Variants in POLR1D observed in about 807,000 individuals in gnomAD.
POLR1D encodes RNA polymerase I and III subunit D.
POLR1D carries 8 observed loss-of-function variants against 10.8 expected under a neutral mutation model. That is an observed-to-expected ratio of 0.74 (90% CI 0.43 to 1.33). The LOEUF is 1.33. POLR1D is among the 40% of genes most tolerant of loss of function. POLR1D has a pLI of 0.01. For missense variants in POLR1D, 152 were observed against 161.7 expected (o/e 0.94, Z 0.32); for synonymous variants, 54 against 57.2 (o/e 0.94, Z 0.25).
In POLR1D at chr13:27,640,484, G is replaced by A. The variant is rs141159556; in HGVS notation, c.27-7895G>A. On this transcript the variant is annotated intron_variant, in intron 1 of 2. Coordinates refer to the POLR1D transcript ENST00000399697. ...CCTTCATCTTGGCATGAATGCAATAGATCCTTCACTAAGAAAATATTGTTT... is the reference window on the plus strand; with the variant it reads ...CCTTCATCTTGGCATGAATGCAATAAATCCTTCACTAAGAAAATATTGTTT... Among the ~76,000 whole-genome samples the A allele has an allele frequency of 2.4e-3, 364 of 152,222 alleles. 1 individual carries two copies. The highest frequency in any genetic ancestry group is 8.4e-3 in the African/African-American group (348 of 41,522).
intron 1 of POLR1D, among the ~76,000 whole-genome samples, chr13:27,637,275 G>A (rs970345574): frequency 6.6e-6 from 1 of 152,172 alleles, no homozygotes; most frequent in African/African-American, 2.4e-5. Flanking sequence ...TAGTCTCCAT[G>A]AGCTGCTTCC....
chr13:27,639,290 T>C (rs1295042753), intron 1 of POLR1D, among the ~76,000 whole-genome samples: 1 of 152,132 alleles, frequency 6.6e-6, no homozygotes, highest in Non-Finnish European at 1.5e-5. Flanking sequence ...TGTGGATTTT[T>C]CCCCTAACTA....
chr13:27,635,138 A>C (rs952771727), intron 1 of POLR1D, among the ~76,000 whole-genome samples: 7 of 152,194 alleles, frequency 4.6e-5, no homozygotes, highest in African/African-American at 1.7e-4. Context: ...GTAAATCTTA[A>C]ACATGAAAAG....
chr13:27,654,002 G>A (rs1956288374), intron 2 of POLR1D, among the ~76,000 whole-genome samples: 2 of 152,204 alleles, frequency 1.3e-5, no homozygotes, highest in South Asian at 2.1e-4. Context: ...GATAAATGAT[G>A]TCTATCTGGA....
At chr13:27,653,483 G>A (rs1331550559) in intron 2 of POLR1D, among the ~76,000 whole-genome samples, 1 of 152,140 alleles carries the variant, frequency 6.6e-6, no homozygotes, top group African/African-American at 2.4e-5. Context: ...TGGGAGACTA[G>A]GATGTGAAAT....
chr13:27,622,129 A>C (rs1955942627), intron 1 of POLR1D, 120 bp downstream of exon 1: 10 of 823,294 alleles, frequency 1.2e-5, no homozygotes, highest in Non-Finnish European at 2.1e-5. Flanking sequence ...AGAAGCATGG[A>C]GAGAGAAGTG....
chr13:27,623,274 A>T lies in POLR1D; in HGVS notation c.*24A>T. The stretch of plus-strand genomic sequence containing the variant: ...AGTCCTTTATGCAGTATACAAGGAG[A>T]ACTGTCCTGTAGGATATTCTCTTCC... On this transcript the variant is annotated 3_prime_UTR_variant, in exon 2 of 2. Transcript: ENST00000302979. 6.2e-7 allele frequency: 1 copy of T among 1,612,892 alleles called. No homozygotes were observed. Among genetic ancestry groups the T allele is most frequent in the Non-Finnish European group, 8.5e-7 (1 of 1,179,884 alleles).
intron 1 of POLR1D, among the ~76,000 whole-genome samples, chr13:27,632,109 A>G (rs965267618): frequency 2.0e-5 from 3 of 152,174 alleles, no homozygotes; most frequent in South Asian, 2.1e-4. Flanking sequence ...TAACACTACT[A>G]TCTTCACCAC....
chr13:27,647,851 A>G (rs1262483168), intron 1 of POLR1D, among the ~76,000 whole-genome samples: 1 of 152,200 alleles, frequency 6.6e-6, no homozygotes, highest in Admixed American at 6.5e-5. Context: ...TTTTAGATCA[A>G]CTGGTATATA....
intron 1 of POLR1D, among the ~76,000 whole-genome samples, chr13:27,644,841 T>C (rs1387560495): frequency 6.6e-6 from 1 of 152,200 alleles, no homozygotes. Flanking sequence ...CTATCTTGTT[T>C]CATGCATGTT....
chr13:27,654,225 T>C (rs1463031225), intron 2 of POLR1D, among the ~76,000 whole-genome samples: 3 of 152,230 alleles, frequency 2.0e-5, no homozygotes, highest in African/African-American at 7.2e-5. Flanking sequence ...TAATGTGTAC[T>C]TTTCCTATCC....
chr13:27,662,259 T>G (rs1388037288), intron 2 of POLR1D, among the ~76,000 whole-genome samples: 1 of 152,162 alleles, frequency 6.6e-6, no homozygotes, highest in Non-Finnish European at 1.5e-5. Flanking sequence ...ATAATATATG[T>G]CCACCATCCT....
chr13:27,655,402 A>G (rs1392858745), intron 2 of POLR1D, among the ~76,000 whole-genome samples: 1 of 152,244 alleles, frequency 6.6e-6, no homozygotes, highest in Admixed American at 6.5e-5. Context: ...AAATTAATGT[A>G]TAATTTCATA....
At chr13:27,653,420 A>T (rs1189827406) in intron 2 of POLR1D, among the ~76,000 whole-genome samples, 2 of 152,200 alleles carry the variant, frequency 1.3e-5, no homozygotes, top group East Asian at 3.8e-4. Context: ...AAGGGAGTAA[A>T]TAAAAGATGG....
chr13:27,639,331 T>G (rs1956155165), intron 1 of POLR1D, among the ~76,000 whole-genome samples: 1 of 152,198 alleles, frequency 6.6e-6, no homozygotes, highest in African/African-American at 2.4e-5. Flanking sequence ...CTGTAATATT[T>G]TTAAACCTAA....
chr13:27,665,250 A>T (rs939069276), intron 2 of POLR1D: 8 of 187,592 alleles, frequency 4.3e-5, no homozygotes, highest in Admixed American at 3.8e-4. Flanking sequence ...TATACAGCAG[A>T]ATATACTTTT....
chr13:27,653,778 T>C lies in POLR1D; in HGVS notation c.101+5325T>C, dbSNP rs188580319. On this transcript the variant is annotated intron_variant, in intron 2 of 2. Coordinates refer to the POLR1D transcript ENST00000399697. ...AAATAACTATATTTGCAAAACAAAA[T>C]GCATTGAGTACAGTAATTTTGGAAA... Among the ~76,000 whole-genome samples the C allele has an allele frequency of 3.3e-3, 497 of 152,274 alleles. 7 individuals carry two copies. The highest frequency in any genetic ancestry group is 3.7e-3 in the Non-Finnish European group (250 of 68,018).
intron 2 of POLR1D, chr13:27,660,898 G>A (rs538372494): frequency 6.6e-6 from 1 of 152,310 alleles, no homozygotes; most frequent in African/African-American, 2.4e-5. Flanking sequence ...GGCAACATTG[G>A]TAATGGAATA....
At position 27,647,646 on chromosome 13, in the gene POLR1D, T is replaced by G. The variant is rs545309324; in HGVS notation, c.27-733T>G. On this transcript the variant is annotated intron_variant, in intron 1 of 2. Transcript: ENST00000399697. ...GTTATGAGTGTCCTGTGCCAAAAAT[T>G]CATTTGTCTTCATTTTTAATGACTG... is the stretch of plus-strand genomic sequence containing the variant. 2.7e-3 allele frequency among the ~76,000 whole-genome samples: 417 copies of G among 152,318 alleles called. 1 individual carries two copies. The highest frequency in any genetic ancestry group is 4.1e-3 in the Non-Finnish European group (281 of 68,030).
Sources: gnomAD v4.1 joint callset for allele counts (sites outside exome capture counted in the v4.1 genomes callset) on GRCh38, gnomAD v4.1.1 for gene constraint, MANE v1.5 for transcripts, NCBI Gene and HGNC (gene_info 2026-07-23, HGNC 2026-07-21) for gene names.